The following CHSY3 variants were observed in gnomAD, a reference collection of about 807,000 sequenced individuals.
CHSY3 encodes the protein N-acetylgalactosaminyl-proteoglycan 3-beta-glucuronosyltransferase 3.
CHSY3 carries 35 observed loss-of-function variants against 67.2 expected under a neutral mutation model. That is an observed-to-expected ratio of 0.52 (90% CI 0.40 to 0.69). CHSY3 has a LOEUF of 0.69. CHSY3 is among the 30% of genes least tolerant of loss of function. The pLI is 0.00. For synonymous variants in CHSY3, 474 were observed against 434.7 expected, an observed-to-expected ratio of 1.09 and a Z score of -1.12; for missense variants, 1,069 against 1,138.5, an observed-to-expected ratio of 0.94 and a Z score of 0.88.
intron 2 of CHSY3, among the ~76,000 whole-genome samples, chr5:130,168,872 C>T (rs749571073): frequency 6.6e-6 from 1 of 152,190 alleles, no homozygotes; most frequent in East Asian, 1.9e-4. Flanking sequence ...TAGTGCTTGT[C>T]TCCGTCACTA....
intron 2 of CHSY3, among the ~76,000 whole-genome samples, chr5:129,946,989 G>C (rs1290205484): frequency 1.3e-5 from 2 of 152,078 alleles, no homozygotes; most frequent in Non-Finnish European, 2.9e-5. Context: ...ATTTTATGAG[G>C]AACCTCCTAT....
chr5:130,174,920 GC>G (rs1769999435), intron 2 of CHSY3, among the ~76,000 whole-genome samples: 1 of 152,126 alleles, frequency 6.6e-6, no homozygotes, highest in Admixed American at 6.6e-5. Context: ...CAATGCACAT[GC>G]ACCCCCCTGA....
At chr5:130,105,745 A>G (rs1361628327) in intron 2 of CHSY3, among the ~76,000 whole-genome samples, 1 of 151,704 alleles carries the variant, frequency 6.6e-6, no homozygotes, top group Admixed American at 6.6e-5. Flanking sequence ...TGCCATTGTC[A>G]TGAGTATTGA....
chr5:130,016,936 C>T (rs756186472), intron 2 of CHSY3, among the ~76,000 whole-genome samples: 6 of 152,030 alleles, frequency 3.9e-5, no homozygotes, highest in Non-Finnish European at 1.5e-5. Flanking sequence ...TCAACCGACA[C>T]ATTAGGAAAA....
intron 2 of CHSY3, among the ~76,000 whole-genome samples, chr5:129,942,968 G>A (rs918401671): frequency 6.6e-6 from 1 of 152,028 alleles, no homozygotes; most frequent in African/African-American, 2.4e-5. Flanking sequence ...ATTTGCATTC[G>A]TATGGGTCTG....
chr5:130,097,156 G>A (rs576875996), intron 2 of CHSY3, among the ~76,000 whole-genome samples: 62 of 152,292 alleles, frequency 4.1e-4, no homozygotes, highest in African/African-American at 1.4e-3. Flanking sequence ...GTAAATTATA[G>A]TACAGTAAGC....
intron 2 of CHSY3, among the ~76,000 whole-genome samples, chr5:130,173,164 C>G (rs560004127): frequency 6.6e-6 from 1 of 151,960 alleles, no homozygotes; most frequent in African/African-American, 2.4e-5. Context: ...ACAAAAATTA[C>G]GTCTATAGCC....
rs141428318 is a variant in CHSY3, at chr5:130,173,596, G to T, written c.1087-10633G>T. Among the ~76,000 whole-genome samples the T allele has an allele frequency of 2.1e-3, 324 of 152,110 alleles. 6 individuals are homozygous for T. In the South Asian group the frequency reaches 0.036, roughly 17 times the overall value. ...TAGATCAGATGTATCTATTATCAAGGTGTTATTATTTTTAGAAATCTTAGT... is the reference window on the plus strand; with the variant it reads ...TAGATCAGATGTATCTATTATCAAGTTGTTATTATTTTTAGAAATCTTAGT... On this transcript the variant is annotated intron_variant, in intron 2 of 2. Transcript: ENST00000305031.
intron 2 of CHSY3, among the ~76,000 whole-genome samples, chr5:129,954,369 T>C (rs919838311): frequency 6.6e-5 from 10 of 152,168 alleles, no homozygotes; most frequent in African/African-American, 2.2e-4. Context: ...ACCATGCTGT[T>C]TTGATTACTG....
At chr5:129,911,080 G>A (rs1235017844) in intron 2 of CHSY3, among the ~76,000 whole-genome samples, 1 of 150,530 alleles carries the variant, frequency 6.6e-6, no homozygotes, top group Non-Finnish European at 1.5e-5. Flanking sequence ...TTGAATAGAT[G>A]AAGTGTTCAT....
intron 2 of CHSY3, among the ~76,000 whole-genome samples, chr5:130,010,004 A>G (rs972116932): frequency 3.3e-5 from 5 of 152,170 alleles, no homozygotes; most frequent in Non-Finnish European, 7.4e-5. Context: ...TTAGAGACCA[A>G]TTAAGAGACT....
intron 2 of CHSY3, among the ~76,000 whole-genome samples, chr5:130,073,401 C>G (rs1766150045): frequency 6.6e-6 from 1 of 152,096 alleles, no homozygotes; most frequent in African/African-American, 2.4e-5. Flanking sequence ...GATTCTCCTG[C>G]CTCAGTCTCC....
intron 2 of CHSY3, among the ~76,000 whole-genome samples, chr5:130,075,111 C>G (rs1054755717): frequency 2.6e-5 from 4 of 151,938 alleles, no homozygotes; most frequent in Non-Finnish European, 5.9e-5. Flanking sequence ...ACTTTTTTTC[C>G]AAGAACAGAG....
chr5:129,907,961 A>G (rs1760378777), intron 1 of CHSY3, 116 bp from the exon 2 acceptor site: 2 of 1,453,736 alleles, frequency 1.4e-6, no homozygotes, highest in Middle Eastern at 2.6e-4. Context: ...TCTTCTTTTC[A>G]GTTGTGTAAG....
Position 130,046,786 on chromosome 5 carries a change from C to T in CHSY3, c.1087-137443C>T, listed in dbSNP as rs182781401. On this transcript the variant is annotated intron_variant, in intron 2 of 2. Transcript: ENST00000305031. ...CAGCATTTCAGTTTTTTTAAATTTACTATTAAAAATGCCTGTATAGAAAAT... is the reference window on the plus strand; with the variant it reads ...CAGCATTTCAGTTTTTTTAAATTTATTATTAAAAATGCCTGTATAGAAAAT... Among the ~76,000 whole-genome samples, 28 of 152,098 alleles carry T rather than the reference C, an allele frequency of 1.8e-4. No homozygotes were observed. The East Asian group carries it at 5.4e-3, about 29-fold the overall frequency.
intron 2 of CHSY3, among the ~76,000 whole-genome samples, chr5:130,137,334 G>T (rs1355452872): frequency 6.6e-6 from 1 of 152,012 alleles, no homozygotes; most frequent in Non-Finnish European, 1.5e-5. Context: ...TTTTCTGACA[G>T]CTCATCTGGT....
intron 2 of CHSY3, among the ~76,000 whole-genome samples, chr5:130,130,432 G>A (rs1255802987): frequency 6.6e-6 from 1 of 152,090 alleles, no homozygotes; most frequent in South Asian, 2.1e-4. Context: ...TCTCTAAGAT[G>A]CCACAGACAT....
intron 2 of CHSY3, among the ~76,000 whole-genome samples, chr5:130,159,161 CTTT>C (rs33919002): frequency 2.2e-3 from 218 of 98,696 alleles, no homozygotes; most frequent in South Asian, 0.017. Context: ...TAAGATTTGT[CTTT>C]TTTTTTTTTT....
intron 1 of CHSY3, among the ~76,000 whole-genome samples, chr5:129,907,486 T>A (rs949778108): frequency 6.6e-6 from 1 of 152,218 alleles, no homozygotes; most frequent in Admixed American, 6.5e-5. Flanking sequence ...ACGTTTTTTC[T>A]GAACTTAACA....
Sources: allele counts gnomAD v4.1 joint callset (sites outside exome capture counted in the v4.1 genomes callset), GRCh38; gene constraint gnomAD v4.1.1; transcripts MANE v1.5; gene names NCBI Gene and HGNC (gene_info 2026-07-23, HGNC 2026-07-21).